Variants in GAS6 observed in about 807,000 individuals in gnomAD.
The protein encoded by GAS6 is growth arrest-specific protein 6.
GAS6 carries 41 observed loss-of-function variants against 75.8 expected under a neutral mutation model. The ratio of observed to expected loss-of-function variants is 0.54; its 90% CI spans 0.42 to 0.70. The LOEUF (loss-of-function observed/expected upper bound fraction) is 0.70, where lower values mean the gene tolerates loss of function less well. Among genes scored for constraint, GAS6 ranks in the 30% least tolerant of loss-of-function variants. The pLI is 0.00. For synonymous variants in GAS6, 432 were observed against 412.6 expected (o/e 1.05, Z -0.57); for missense variants, 854 against 940.2 (o/e 0.91, Z 1.20).
intron 11 of GAS6, among the ~76,000 whole-genome samples, chr13:113,828,125 G>A (rs933599279): frequency 4.9e-4 from 74 of 152,236 alleles, no homozygotes; most frequent in African/African-American, 1.6e-3. Context: ...TTAGCCGGAC[G>A]TGGTGGCGGG....
chr13:113,857,882 C>G (rs115391161), intron 2 of GAS6, among the ~76,000 whole-genome samples: 4,640 of 152,338 alleles, frequency 0.03, 246 homozygotes, highest in African/African-American at 0.11. Flanking sequence ...CAAGTGCCTG[C>G]AGACGCCCGG....
At chr13:113,851,537 A>C (rs2138659928) in intron 2 of GAS6, among the ~76,000 whole-genome samples, 1 of 151,326 alleles carries the variant, frequency 6.6e-6, no homozygotes, top group South Asian at 2.1e-4. Context: ...GGATGAGTGA[A>C]TGGGTGGGTG....
chr13:113,826,848 G>GCCCCCCCCCCCCCCCC, intron 12 of GAS6, 148 bp downstream of exon 12: 1 of 163,608 alleles, frequency 6.1e-6, no homozygotes, highest in Non-Finnish European at 1.3e-5. Context: ...CCGCACCTCC[G>GCCCCCCCCCCCCCCCC]CCCACCCCGC....
rs550324457 is a variant in GAS6, at chr13:113,820,658, G to T, written c.*206C>A. 5 of 581,534 alleles carry T rather than the reference G, an allele frequency of 8.6e-6. No individual in the cohort carries two copies. In the East Asian group the frequency reaches 1.4e-4, roughly 16 times the overall value. 36.0% of individuals were successfully genotyped at this position (581,534 alleles called of 1,614,324 possible). On this transcript the variant is annotated 3_prime_UTR_variant, in exon 15 of 15. Transcript: ENST00000327773. ...TTTCTTCGAGCCCGCTCTGCGCTGCGCCGGCCTCCCCGCGCCCGGGCCCAC... is the reference window on the plus strand; with the variant it reads ...TTTCTTCGAGCCCGCTCTGCGCTGCTCCGGCCTCCCCGCGCCCGGGCCCAC...
intron 2 of GAS6, among the ~76,000 whole-genome samples, chr13:113,856,150 C>T (rs957711111): frequency 3.3e-5 from 5 of 152,316 alleles, no homozygotes. Context: ...ACTAATGCTC[C>T]GAGCCACTGA....
At position 113,834,459 on chromosome 13, in the gene GAS6, A is replaced by G. The variant is rs551047495; in HGVS notation, c.834+92T>C. 1.1e-4 allele frequency: 137 copies of G among 1,302,842 alleles called. No individual in the cohort carries two copies. The Middle Eastern group carries it at 2.8e-3, about 27-fold the overall frequency. The allele number at this position is 1,302,842 out of a possible 1,614,324, so 80.7% of individuals were successfully genotyped here. A position where few individuals can be genotyped will look rare whatever the true frequency, so the allele number is the denominator to read the frequency against. ...GATCCCCAACACCTTAGCAAAGGCC[A>G]GGTCTTCACGGAAGTGTTTCTCCCG... On this transcript the variant is annotated intron_variant, in intron 8 of 14. Transcript: ENST00000327773.
At position 113,828,670 on chromosome 13, in the gene GAS6, G is replaced by A. The variant is rs1201913657; in HGVS notation, c.1185C>T (p.Val395=). ...CGATTTTCATGACAGCATCCCTGTT[G>A]ACCTTGATGACCAGATTCCGCGCCA... ...EELARNLVIK[V]NRDAVMKIAV... Residue 395 remains valine, a synonymous_variant, in exon 11 of 15, where the codon GTC becomes GTT. Coordinates refer to ENST00000327773, the MANE Select transcript of GAS6 (RefSeq NM_000820.4). 2 of 1,613,542 alleles carry A rather than the reference G, an allele frequency of 1.2e-6. No homozygotes were observed. The highest frequency in any genetic ancestry group is 1.3e-5 in the African/African-American group (1 of 75,064).
At chr13:113,851,298 GATGAGTGAGTGGCCAGATGAGTGAATGA>G (rs2051872735) in intron 2 of GAS6, among the ~76,000 whole-genome samples, 1 of 151,684 alleles carries the variant, frequency 6.6e-6, no homozygotes, top group African/African-American at 2.4e-5. Context: ...TGAGTGGGTG[GATGAGTGAGTGGCCAGATGAGTGAATGA>G]ATGAGTGGGT....
intron 4 of GAS6, chr13:113,841,429 TCA>T (rs1372079780): frequency 1.3e-5 from 2 of 149,906 alleles, no homozygotes; most frequent in African/African-American, 2.6e-5. Flanking sequence ...TCCGTATGCC[TCA>T]CAGTTTGCTC....
chr13:113,861,030 G>T (rs1304882724), intron 2 of GAS6, among the ~76,000 whole-genome samples: 1 of 152,104 alleles, frequency 6.6e-6, no homozygotes, highest in East Asian at 1.9e-4. Context: ...AGCCTGGGAG[G>T]GGTGCCGGGC....
chr13:113,832,334 T>C lies in GAS6; in HGVS notation c.1108A>G (p.Ser370Gly). Residue 370 changes from serine (S) to glycine (G), a missense_variant, in exon 10 of 15, where the codon AGC becomes GGC. Physicochemically the swap from Ser to Gly is moderately conservative, Grantham distance 56 (BLOSUM62 0). Transcript: ENST00000327773. Reference protein sequence around the residue: ...RYNGVGRVTSSGPVINHGMWQ... With the variant: ...RYNGVGRVTSGGPVINHGMWQ... ...ATGCCATGGTTGATGACCGGGCCGC[T>C]GCTGGTGACACGGCCGACACCGTTG... 1 of 1,603,138 alleles carries C rather than the reference T, an allele frequency of 6.2e-7. No individual in the cohort carries two copies. The highest frequency in any genetic ancestry group is 2.2e-5 in the East Asian group (1 of 44,872).
At chr13:113,825,768 T>A (rs2051529193) in intron 12 of GAS6, among the ~76,000 whole-genome samples, 3 of 152,336 alleles carry the variant, frequency 2.0e-5, no homozygotes, top group Admixed American at 1.3e-4. Flanking sequence ...CAGTGGCAGA[T>A]GGCGCTTTTC....
rs781147555 is a variant in GAS6 at position 113,832,451 on chromosome 13, C to T, written c.991G>A (p.Glu331Lys). ...AEFDFRTFDP[E>K]GILLFAGGHQ... ...CCTCCGGCAAAGAGGAGGATGCCCTCGGGGTCAAAGGTCCGGAAGTCAAAC... is the reference window on the plus strand; with the variant it reads ...CCTCCGGCAAAGAGGAGGATGCCCTTGGGGTCAAAGGTCCGGAAGTCAAAC... Residue 331 changes from glutamate (E) to lysine (K), a missense_variant, in exon 10 of 15, where the codon GAG becomes AAG. Glu to Lys is a moderately conservative substitution (Grantham distance 56, BLOSUM62 1). Transcript: ENST00000327773. The T allele has an allele frequency of 5.6e-6, 9 of 1,607,396 alleles. No individual in the cohort carries two copies. The highest frequency in any genetic ancestry group is 4.4e-5 in the South Asian group (4 of 90,736).
intron 2 of GAS6, among the ~76,000 whole-genome samples, chr13:113,858,740 C>A (rs2051938331): frequency 6.7e-6 from 1 of 149,798 alleles, no homozygotes; most frequent in Non-Finnish European, 1.5e-5. Context: ...TGTATGTGTA[C>A]ATGTCTGTTA....
chr13:113,826,852 A>ACCCCC, intron 12 of GAS6, 144 bp downstream of exon 12: 8 of 55,494 alleles, frequency 1.4e-4, no homozygotes, highest in South Asian at 6.3e-4. Context: ...ACCTCCGCCC[A>ACCCCC]CCCCGCCCAC....
In GAS6 at chr13:113,844,709, A is replaced by C. The variant is rs2051820287; in HGVS notation, c.343+1818T>G. The C allele has an allele frequency of 6.6e-6, 1 of 150,666 alleles. No individual in the cohort carries two copies. Among genetic ancestry groups the C allele is most frequent in the African/African-American group, 2.5e-5 (1 of 40,036 alleles). 9.3% of individuals were successfully genotyped at this position (150,666 alleles called of 1,614,324 possible). On this transcript the variant is annotated intron_variant, in intron 4 of 14. Coordinates refer to ENST00000327773, the MANE Select transcript of GAS6 (RefSeq NM_000820.4). The surrounding 1 kb of genome is among the most constrained non-coding windows in gnomAD (Gnocchi z 5.7). ...CACCCGCGTGCATGAGGCCGAGTCT[A>C]AAGCTGTGGCCACGGCCTGTGGAAA... is the stretch of plus-strand genomic sequence containing the variant.
chr13:113,833,157 A>G (rs2138632217), intron 8 of GAS6: 1 of 1,136,102 alleles, frequency 8.8e-7, no homozygotes, highest in Admixed American at 4.1e-5. Context: ...TGGTTTCTCC[A>G]CGCTGCCCGA....
Position 113,846,411 on chromosome 13 carries a change from G to C in GAS6, c.343+116C>G, listed in dbSNP as rs1003001916. 6 of 799,690 alleles carry C rather than the reference G, an allele frequency of 7.5e-6. No homozygotes were observed. The African/African-American group carries it at 1.0e-4, about 14-fold the overall frequency. 49.5% of individuals were successfully genotyped at this position (799,690 alleles called of 1,614,324 possible). A position where few individuals can be genotyped will look rare whatever the true frequency, so the allele number is the denominator to read the frequency against. On this transcript the variant is annotated intron_variant, in intron 4 of 14. Coordinates refer to ENST00000327773, the MANE Select transcript of GAS6 (RefSeq NM_000820.4). ...GCGAAAAGGGAGCAGGCCTCGGCAA[G>C]GGACCACAGCTCCTTAAAAAACAGA... is the stretch of plus-strand genomic sequence containing the variant.
intron 4 of GAS6, chr13:113,841,607 C>CCAGTTTCCTCCATACACCCCA (rs1566366983): frequency 1.3e-5 from 2 of 159,388 alleles, no homozygotes. Flanking sequence ...CTCCATATGC[C>CCAGTTTCCTCCATACACCCCA]CAGTTTCCTC....
Sources: allele counts gnomAD v4.1 joint callset (sites outside exome capture counted in the v4.1 genomes callset), GRCh38; gene constraint gnomAD v4.1.1; non-coding constraint Gnocchi (gnomAD v3.1); transcripts MANE v1.5; gene names NCBI Gene and HGNC (gene_info 2026-07-23, HGNC 2026-07-21).